The following SLC5A4 variants were observed in gnomAD, a reference collection of about 807,000 sequenced individuals.
SLC5A4 encodes the protein probable glucose sensor protein SLC5A4.
A neutral mutation model predicts 70.3 loss-of-function variants in SLC5A4; 55 were observed. That is an observed-to-expected ratio of 0.78 (90% CI 0.63 to 0.98). The LOEUF is 0.98. SLC5A4 is among the 50% of genes least tolerant of loss of function. The pLI is 0.00. For missense variants in SLC5A4, 735 were observed against 839.2 expected, an observed-to-expected ratio of 0.88 and a Z score of 1.53; for synonymous variants, 268 against 305.7, an observed-to-expected ratio of 0.88 and a Z score of 1.29.
chr22:32,303,704 T>C, the SLC5A4 span, among the ~76,000 whole-genome samples: 1 of 152,242 alleles, frequency 6.6e-6, no homozygotes, highest in Non-Finnish European at 1.5e-5. Flanking sequence ...TCTGTCCACC[T>C]ACAGATGGAC....
chr22:32,228,307 G>T (rs558573061), intron 11 of SLC5A4, among the ~76,000 whole-genome samples: 1 of 149,888 alleles, frequency 6.7e-6, no homozygotes, highest in African/African-American at 2.5e-5. Context: ...TTGGGAGGCC[G>T]AGGAGAATGG....
chr22:32,263,122 C>T, the SLC5A4 span, among the ~76,000 whole-genome samples: 3 of 150,654 alleles, frequency 2.0e-5, no homozygotes, highest in Non-Finnish European at 4.4e-5. Context: ...AGTGCATTCA[C>T]TGCCTGCTGA....
chr22:32,330,133 CA>C, the SLC5A4 span, among the ~76,000 whole-genome samples: 1 of 94,694 alleles, frequency 1.1e-5, no homozygotes, highest in African/African-American at 4.2e-5. Context: ...TCTGATGTGT[CA>C]GGGGGGCTCT....
the SLC5A4 span, among the ~76,000 whole-genome samples, chr22:32,316,227 T>G: frequency 6.6e-6 from 1 of 152,054 alleles, no homozygotes; most frequent in Non-Finnish European, 1.5e-5. Flanking sequence ...TAAAAATAGT[T>G]AAAATGGTAA....
chr22:32,244,516 T>C (rs1263354469), intron 5 of SLC5A4, among the ~76,000 whole-genome samples: 1 of 152,206 alleles, frequency 6.6e-6, no homozygotes, highest in Non-Finnish European at 1.5e-5. Context: ...TGTATGTAAG[T>C]AGTTGACATA....
At chr22:32,329,114 C>G in the SLC5A4 span, among the ~76,000 whole-genome samples, 1 of 152,354 alleles carries the variant, frequency 6.6e-6, no homozygotes, top group South Asian at 2.1e-4. Flanking sequence ...TTCTCTGCAT[C>G]ACACTTTCAT....
the SLC5A4 span, among the ~76,000 whole-genome samples, chr22:32,292,977 A>G: frequency 6.6e-6 from 1 of 152,174 alleles, no homozygotes; most frequent in Non-Finnish European, 1.5e-5. Context: ...CCAATTTAAG[A>G]TAGTGACATT....
At chr22:32,237,939 T>C (rs551833691) in intron 6 of SLC5A4, among the ~76,000 whole-genome samples, 129 of 152,166 alleles carry the variant, frequency 8.5e-4, no homozygotes, top group Non-Finnish European at 1.4e-3. Flanking sequence ...CTCATGCCCT[T>C]ATTGCTCCCT....
chr22:32,300,817 A>ATT, the SLC5A4 span, among the ~76,000 whole-genome samples: 1 of 152,098 alleles, frequency 6.6e-6, no homozygotes, highest in Non-Finnish European at 1.5e-5. Flanking sequence ...GTACATGTGG[A>ATT]TTTTTCCCAT....
At chr22:32,297,542 CTT>C in the SLC5A4 span, among the ~76,000 whole-genome samples, 18,120 of 94,552 alleles carry the variant, frequency 0.19, 3,075 homozygotes, top group East Asian at 0.41. Flanking sequence ...ATTCTTCTCT[CTT>C]TTTTTCTTTA....
chr22:32,354,478 C>T, the SLC5A4 span, among the ~76,000 whole-genome samples: 1 of 151,906 alleles, frequency 6.6e-6, no homozygotes, highest in African/African-American at 2.4e-5. Flanking sequence ...CCGCCCACCG[C>T]AGGCAGAGTA....
the SLC5A4 span, among the ~76,000 whole-genome samples, chr22:32,318,423 T>C: frequency 6.6e-6 from 1 of 151,976 alleles, no homozygotes; most frequent in African/African-American, 2.4e-5. Flanking sequence ...CCAACCTTCC[T>C]CCCCCATCTA....
intron 14 of SLC5A4, among the ~76,000 whole-genome samples, chr22:32,219,236 G>C (rs1010726135): frequency 1.3e-5 from 2 of 152,262 alleles, no homozygotes; most frequent in Non-Finnish European, 2.9e-5. Flanking sequence ...ATTGTTGCTA[G>C]GGAAGCAAGT....
chr22:32,255,465 C>A, upstream of SLC5A4: 1 of 914,020 alleles, frequency 1.1e-6, no homozygotes, highest in Non-Finnish European at 1.7e-6. Context: ...ACCTCTTCTC[C>A]AAAGCTGTGG....
intron 5 of SLC5A4, among the ~76,000 whole-genome samples, chr22:32,239,521 TATATATATATATATATA>T (rs1569374570): frequency 0.022 from 116 of 5,366 alleles, 1 homozygote; most frequent in Non-Finnish European, 0.027. Flanking sequence ...GTGCATATTA[TATATATATATATATATA>T]TATATATATA....
the SLC5A4 span, chr22:32,270,736 C>G: frequency 4.7e-6 from 3 of 635,266 alleles, no homozygotes; most frequent in Non-Finnish European, 8.7e-6. Flanking sequence ...CCTGGTCACC[C>G]GCAACATGCA....
the SLC5A4 span, among the ~76,000 whole-genome samples, chr22:32,330,813 T>C: frequency 7.9e-6 from 1 of 126,940 alleles, no homozygotes; most frequent in African/African-American, 3.0e-5. Flanking sequence ...GGTGTGTGTT[T>C]TGGGAGGCTC....
chr22:32,327,805 C>T, the SLC5A4 span, among the ~76,000 whole-genome samples: 27 of 152,294 alleles, frequency 1.8e-4, no homozygotes, highest in African/African-American at 5.8e-4. Flanking sequence ...TCCACGGACA[C>T]AGATGCAGCA....
At chr22:32,237,597 C>T (rs1363979094) in intron 6 of SLC5A4, among the ~76,000 whole-genome samples, 1 of 152,194 alleles carries the variant, frequency 6.6e-6, no homozygotes, top group Non-Finnish European at 1.5e-5. Flanking sequence ...GGGGAAAAGG[C>T]AGCACTTTAA....
Sources: gnomAD v4.1 joint callset for allele counts (sites outside exome capture counted in the v4.1 genomes callset) on GRCh38, gnomAD v4.1.1 for gene constraint, MANE v1.5 for transcripts, NCBI Gene and HGNC (gene_info 2026-07-23, HGNC 2026-07-21) for gene names.